The following CNTN1 variants were observed in gnomAD, a reference collection of about 807,000 sequenced individuals.
CNTN1 encodes contactin-1.
CNTN1 carries 38 observed loss-of-function variants against 126.4 expected under a neutral mutation model. The ratio of observed to expected loss-of-function variants is 0.30; its 90% CI spans 0.23 to 0.39. CNTN1 has a LOEUF of 0.39. Ranked by LOEUF, CNTN1 falls within the 10% of genes least tolerant of loss-of-function variation. The pLI, the probability that CNTN1 is intolerant of heterozygous loss-of-function variation, is 1.00. For synonymous variants in CNTN1, 413 were observed against 422.6 expected (o/e 0.98, Z 0.28); for missense variants, 1,009 against 1,248.4 (o/e 0.81, Z 2.89).
intron 1 of CNTN1, among the ~76,000 whole-genome samples, chr12:40,819,282 G>A (rs1323469829): frequency 6.6e-6 from 1 of 152,162 alleles, no homozygotes; most frequent in Non-Finnish European, 1.5e-5. Flanking sequence ...ATGACCAGGA[G>A]GAGAGGCTAA....
rs1362923481 is a variant in CNTN1 at position 40,918,632 on chromosome 12, C to T, written c.95-7C>T. 7.4e-6 allele frequency: 12 copies of T among 1,611,428 alleles called. No individual in the cohort carries two copies. The East Asian group carries it at 2.7e-4, about 36-fold the overall frequency. ...TACAATGTAAAACAATTTCATATTTCTTGTAGTTTCTGAGGAAGACAAAGG... is the reference window on the plus strand; with the variant it reads ...TACAATGTAAAACAATTTCATATTTTTTGTAGTTTCTGAGGAAGACAAAGG... On this transcript the variant is annotated splice_polypyrimidine_tract_variant and splice_region_variant and intron_variant, in intron 3 of 23. Transcript: ENST00000551295.
intron 1 of CNTN1, among the ~76,000 whole-genome samples, chr12:40,832,908 T>A (rs1332978079): frequency 1.3e-5 from 2 of 152,098 alleles, no homozygotes; most frequent in African/African-American, 2.4e-5. Flanking sequence ...AACTAGCCAA[T>A]CCTAAGCACT....
chr12:40,939,022 C>A (rs1309240474), intron 11 of CNTN1, among the ~76,000 whole-genome samples: 2 of 152,106 alleles, frequency 1.3e-5, no homozygotes, highest in African/African-American at 4.8e-5. Context: ...CATCTGCCCA[C>A]CTCAGCCTCT....
intron 1 of CNTN1, among the ~76,000 whole-genome samples, chr12:40,764,117 G>A (rs1450146384): frequency 6.6e-6 from 1 of 152,118 alleles, no homozygotes; most frequent in Non-Finnish European, 1.5e-5. Context: ...CTTAATAGAA[G>A]GGGTACTCCT....
intron 1 of CNTN1, among the ~76,000 whole-genome samples, chr12:40,761,689 G>A (rs1405475804): frequency 6.6e-6 from 1 of 151,904 alleles, no homozygotes. Flanking sequence ...TTTCTCCATA[G>A]TTAGAGGGTT....
intron 1 of CNTN1, among the ~76,000 whole-genome samples, chr12:40,756,521 GC>G (rs1303444393): frequency 6.6e-6 from 1 of 152,082 alleles, no homozygotes; most frequent in Non-Finnish European, 1.5e-5. Context: ...GTGACAGTGG[GC>G]AAAGATGTCT....
chr12:40,921,982 C>T (rs1361425479), intron 4 of CNTN1, among the ~76,000 whole-genome samples: 1 of 152,050 alleles, frequency 6.6e-6, no homozygotes, highest in African/African-American at 2.4e-5. Flanking sequence ...TGGAGAAAAA[C>T]TCAACAAAAT....
intron 1 of CNTN1, among the ~76,000 whole-genome samples, chr12:40,781,172 C>G (rs574147148): frequency 6.6e-6 from 1 of 151,878 alleles, no homozygotes; most frequent in African/African-American, 2.4e-5. Context: ...CTATATTAGA[C>G]CTTCAAAGCC....
At chr12:40,754,304 T>C (rs372299528) in intron 1 of CNTN1, among the ~76,000 whole-genome samples, 13 of 152,110 alleles carry the variant, frequency 8.5e-5, no homozygotes, top group Middle Eastern at 3.2e-3. Flanking sequence ...TCAGCACCGT[T>C]ACAGGTATCA....
chr12:40,769,132 T>C (rs1003360368), intron 1 of CNTN1, among the ~76,000 whole-genome samples: 2 of 152,090 alleles, frequency 1.3e-5, no homozygotes, highest in African/African-American at 4.8e-5. Context: ...CCATAGTGCA[T>C]CTGTGTGGAA....
chr12:40,900,561 A>G (rs1944568369), intron 1 of CNTN1, among the ~76,000 whole-genome samples: 1 of 152,238 alleles, frequency 6.6e-6, no homozygotes, highest in African/African-American at 2.4e-5. Flanking sequence ...TATTTTGCTT[A>G]GAATTACAAA....
At chr12:40,880,613 A>G (rs532124654) in intron 1 of CNTN1, among the ~76,000 whole-genome samples, 1 of 152,178 alleles carries the variant, frequency 6.6e-6, no homozygotes, top group South Asian at 2.1e-4. Flanking sequence ...ATGATGTAGT[A>G]AAAGATTGTG....
chr12:40,946,791 G>C (rs11829194), intron 14 of CNTN1, among the ~76,000 whole-genome samples: 161 of 152,114 alleles, frequency 1.1e-3, no homozygotes, highest in African/African-American at 3.7e-3. Flanking sequence ...ATTTTAGCTT[G>C]CTATTCTTGA....
At chr12:41,042,165 C>A (rs550672041) in intron 23 of CNTN1, among the ~76,000 whole-genome samples, 1 of 151,978 alleles carries the variant, frequency 6.6e-6, no homozygotes, top group Non-Finnish European at 1.5e-5. Flanking sequence ...GCCTTCATTT[C>A]GTTATGTACC....
chr12:41,013,562 T>C (rs531266963), intron 17 of CNTN1, among the ~76,000 whole-genome samples: 2 of 152,286 alleles, frequency 1.3e-5, no homozygotes, highest in Admixed American at 6.5e-5. Context: ...ATATCAGTTC[T>C]TCCATGCAGT....
At chr12:40,700,132 T>C (rs570157148) in intron 1 of CNTN1, among the ~76,000 whole-genome samples, 106 of 148,966 alleles carry the variant, frequency 7.1e-4, no homozygotes, top group African/African-American at 2.6e-3. Flanking sequence ...ACACACACCA[T>C]ATTACCCTTT....
At chr12:40,914,981 A>G (rs921474226) in intron 3 of CNTN1, among the ~76,000 whole-genome samples, 6 of 152,116 alleles carry the variant, frequency 3.9e-5, no homozygotes, top group African/African-American at 1.4e-4. Flanking sequence ...GTGACATTCT[A>G]TAATTTTCAA....
intron 1 of CNTN1, among the ~76,000 whole-genome samples, chr12:40,855,509 C>T (rs1400850481): frequency 6.6e-6 from 1 of 151,736 alleles, no homozygotes; most frequent in Non-Finnish European, 1.5e-5. Context: ...ATCATATGCT[C>T]AAAAGTATTT....
At position 40,809,688 on chromosome 12, in the gene CNTN1, C is replaced by T. The variant is rs1321554196; in HGVS notation, c.-76-98669C>T. Reference sequence around the variant, plus strand: ...AAAATTAGCCAGGTGTGGTGGTGCACGCCTGTAATCCCAGCTACTCAGGAG... The same window carrying T: ...AAAATTAGCCAGGTGTGGTGGTGCATGCCTGTAATCCCAGCTACTCAGGAG... On this transcript the variant is annotated intron_variant, in intron 1 of 23. Transcript: ENST00000551295. 4.6e-5 allele frequency among the ~76,000 whole-genome samples: 7 copies of T among 151,958 alleles called. No individual in the cohort carries two copies. In the South Asian group the frequency reaches 6.2e-4, roughly 14 times the overall value.
Sources: allele counts gnomAD v4.1 joint callset (sites outside exome capture counted in the v4.1 genomes callset), GRCh38; gene constraint gnomAD v4.1.1; transcripts MANE v1.5; gene names NCBI Gene and HGNC (gene_info 2026-07-23, HGNC 2026-07-21).